The following ZFAND3 variants were observed in gnomAD, a reference collection of about 807,000 sequenced individuals.
ZFAND3 encodes the protein AN1-type zinc finger protein 3.
ZFAND3 carries 10 observed loss-of-function variants against 29.6 expected under a neutral mutation model. The observed-to-expected ratio is 0.34, with a 90% CI of 0.21 to 0.57. ZFAND3 has a LOEUF of 0.57. Among genes scored for constraint, ZFAND3 ranks in the 20% least tolerant of loss-of-function variants. ZFAND3 has a pLI of 0.86. For missense variants in ZFAND3, 230 were observed against 304.5 expected (o/e 0.76, Z 1.82); for synonymous variants, 128 against 112.6 (o/e 1.14, Z -0.87).
intron 2 of ZFAND3, among the ~76,000 whole-genome samples, chr6:38,023,556 G>A (rs1044324271): frequency 6.6e-6 from 1 of 152,214 alleles, no homozygotes; most frequent in South Asian, 2.1e-4. Flanking sequence ...AGATTTGAAA[G>A]TTTTAGAATC....
chr6:38,110,447 G>T (rs941287962), intron 4 of ZFAND3, among the ~76,000 whole-genome samples: 1 of 152,066 alleles, frequency 6.6e-6, no homozygotes, highest in African/African-American at 2.4e-5. Flanking sequence ...CTGTAAAGCA[G>T]GTTTTTTTCA....
At chr6:37,973,514 T>C (rs964200042) in intron 2 of ZFAND3, among the ~76,000 whole-genome samples, 4 of 152,222 alleles carry the variant, frequency 2.6e-5, no homozygotes. Context: ...TCCAACATGG[T>C]AGCTACATGT....
rs73730876 is a variant in ZFAND3 at position 38,091,524 on chromosome 6, A to G, written c.361+9067A>G. Among the ~76,000 whole-genome samples, 433 of 95,214 alleles carry G rather than the reference A, an allele frequency of 4.5e-3. 5 individuals are homozygous for G. Among genetic ancestry groups the G allele is most frequent in the African/African-American group, 0.018 (407 of 23,104 alleles). The allele number at this position is 95,214 out of a possible 152,430, so 62.5% of individuals were successfully genotyped here. ...TTGGTGGGGGTGTATAGGTCTGGGG[A>G]GTGCCTTTCAGGTGCTGCTCCATAG... On this transcript the variant is annotated intron_variant, in intron 4 of 5. Coordinates refer to ENST00000287218, the MANE Select transcript of ZFAND3 (RefSeq NM_021943.3).
chr6:38,029,920 T>G (rs1255154561), intron 2 of ZFAND3, among the ~76,000 whole-genome samples: 1 of 151,846 alleles, frequency 6.6e-6, no homozygotes, highest in Non-Finnish European at 1.5e-5. Flanking sequence ...ACATAAAGTT[T>G]ATATTTGCCT....
intron 2 of ZFAND3, among the ~76,000 whole-genome samples, chr6:38,040,194 A>G (rs1172123604): frequency 6.6e-6 from 1 of 152,172 alleles, no homozygotes; most frequent in African/African-American, 2.4e-5. Context: ...TAACACTTAC[A>G]GAAAAGGTTG....
chr6:37,922,416 T>C (rs1254283082), intron 1 of ZFAND3, among the ~76,000 whole-genome samples: 1 of 152,218 alleles, frequency 6.6e-6, no homozygotes, highest in Non-Finnish European at 1.5e-5. Flanking sequence ...ATTTAAGGCG[T>C]GATAAATATT....
At chr6:37,969,484 C>G (rs1184685716) in intron 2 of ZFAND3, among the ~76,000 whole-genome samples, 1 of 152,176 alleles carries the variant, frequency 6.6e-6, no homozygotes, top group Non-Finnish European at 1.5e-5. Context: ...AACAGAAAGC[C>G]TATTTTATAA....
At chr6:37,996,115 GC>G (rs1391742599) in intron 2 of ZFAND3, among the ~76,000 whole-genome samples, 1 of 150,496 alleles carries the variant, frequency 6.6e-6, no homozygotes, top group African/African-American at 2.4e-5. Flanking sequence ...GGCTACAAGA[GC>G]GAAACTCCAT....
intron 3 of ZFAND3, among the ~76,000 whole-genome samples, chr6:38,079,077 T>C (rs1020196067): frequency 6.6e-5 from 10 of 152,234 alleles, no homozygotes; most frequent in Admixed American, 6.5e-5. Context: ...AGAGTTGATT[T>C]GGAACTACCT....
intron 5 of ZFAND3, among the ~76,000 whole-genome samples, chr6:38,124,239 T>C (rs1001384042): frequency 1.3e-5 from 2 of 152,232 alleles, no homozygotes; most frequent in African/African-American, 2.4e-5. Flanking sequence ...AAGTCCCCAC[T>C]AGACTCAGGA....
intron 1 of ZFAND3, among the ~76,000 whole-genome samples, chr6:37,893,309 C>T (rs1317403349): frequency 6.6e-6 from 1 of 152,128 alleles, no homozygotes; most frequent in Non-Finnish European, 1.5e-5. Context: ...TAATGTAATA[C>T]ATCAACAGAA....
intron 2 of ZFAND3, among the ~76,000 whole-genome samples, chr6:38,050,423 T>TTAC (rs1179987226): frequency 1.3e-5 from 2 of 152,104 alleles, no homozygotes; most frequent in African/African-American, 4.8e-5. Context: ...TCATCTTGAA[T>TTAC]TGTAGTTCCC....
chr6:38,004,789 A>G (rs987434156), intron 2 of ZFAND3, among the ~76,000 whole-genome samples: 1 of 152,194 alleles, frequency 6.6e-6, no homozygotes, highest in Non-Finnish European at 1.5e-5. Context: ...TTAATCATTT[A>G]AAGTCAGAAT....
intron 4 of ZFAND3, among the ~76,000 whole-genome samples, chr6:38,085,242 A>G (rs1395794200): frequency 6.6e-6 from 1 of 152,176 alleles, no homozygotes. Context: ...CCAGACAGAA[A>G]CCACATGGGC....
intron 2 of ZFAND3, among the ~76,000 whole-genome samples, chr6:38,038,393 T>C (rs532474397): frequency 1.3e-5 from 2 of 152,214 alleles, no homozygotes; most frequent in Non-Finnish European, 2.9e-5. Flanking sequence ...GATTCTGACC[T>C]TTTATTTCAT....
intron 1 of ZFAND3, among the ~76,000 whole-genome samples, chr6:37,899,019 G>T (rs895223779): frequency 6.6e-6 from 1 of 151,968 alleles, no homozygotes; most frequent in African/African-American, 2.4e-5. Flanking sequence ...CCTCAGCCTC[G>T]CAAGTAGCCG....
At chr6:37,894,731 A>T (rs932191297) in intron 1 of ZFAND3, among the ~76,000 whole-genome samples, 5 of 152,066 alleles carry the variant, frequency 3.3e-5, no homozygotes, top group Admixed American at 1.3e-4. Flanking sequence ...TTATGTTTGG[A>T]AATGTCTTTG....
At chr6:38,026,983 T>C (rs1036803948) in intron 2 of ZFAND3, among the ~76,000 whole-genome samples, 6 of 152,192 alleles carry the variant, frequency 3.9e-5, no homozygotes, top group African/African-American at 1.4e-4. Flanking sequence ...TTACTGACTT[T>C]TTTTGGTGGG....
chr6:38,072,252 C>T (rs939241919), intron 3 of ZFAND3, among the ~76,000 whole-genome samples: 6 of 152,204 alleles, frequency 3.9e-5, no homozygotes, highest in Admixed American at 3.9e-4. Context: ...AAATTTCCCT[C>T]TTGAAGATTC....
Sources: gnomAD v4.1 joint callset for allele counts (sites outside exome capture counted in the v4.1 genomes callset) on GRCh38, gnomAD v4.1.1 for gene constraint, MANE v1.5 for transcripts, NCBI Gene and HGNC (gene_info 2026-07-23, HGNC 2026-07-21) for gene names.